TRPM3: variants seen among roughly 807,000 people sequenced by gnomAD.
TRPM3 encodes the protein transient receptor potential cation channel subfamily M member 3.
A neutral mutation model predicts 181.2 loss-of-function variants in TRPM3; 77 were observed. The ratio of observed to expected loss-of-function variants is 0.42; its 90% CI spans 0.35 to 0.51. The LOEUF (loss-of-function observed/expected upper bound fraction) is 0.51. Ranked by LOEUF, TRPM3 falls within the 20% of genes least tolerant of loss-of-function variation. TRPM3 has a pLI of 0.01. For missense variants in TRPM3, 1,759 were observed against 2,196.7 expected (o/e 0.80, Z 3.98); for synonymous variants, 745 against 796.4 (o/e 0.94, Z 1.09).
chr9:71,270,066 T>C lies in TRPM3; in HGVS notation c.183+176587A>G, dbSNP rs984758317. On this transcript the variant is annotated intron_variant, in intron 1 of 24. Transcript: ENST00000357533. ...CTCATAATTGTATTTTTGTTCAATA[T>C]GTAGTCATGCAGTTAATGTCACTCC... Among the ~76,000 whole-genome samples, 9 of 152,294 alleles carry C rather than the reference T, an allele frequency of 5.9e-5. No individual in the cohort carries two copies. The East Asian group carries it at 1.4e-3, about 23-fold the overall frequency.
intron 1 of TRPM3, among the ~76,000 whole-genome samples, chr9:70,971,451 A>G (rs2097245124): frequency 6.6e-5 from 10 of 151,958 alleles, no homozygotes; most frequent in Admixed American, 6.6e-4. Flanking sequence ...CGCTAGGAAC[A>G]CTCTCTACCC....
At chr9:71,271,588 G>A (rs1464241394) in intron 1 of TRPM3, among the ~76,000 whole-genome samples, 2 of 151,662 alleles carry the variant, frequency 1.3e-5, no homozygotes, top group African/African-American at 4.8e-5. Context: ...GAAGAGGGGA[G>A]TAAGGGGCTC....
At chr9:70,600,715 G>T (rs2059752136) in intron 20 of TRPM3, among the ~76,000 whole-genome samples, 1 of 152,200 alleles carries the variant, frequency 6.6e-6, no homozygotes, top group African/African-American at 2.4e-5. Context: ...TCTGCAGCTG[G>T]TGTTGTCCTG....
intron 6 of TRPM3, among the ~76,000 whole-genome samples, chr9:70,787,777 T>TTTTGC: frequency 6.7e-6 from 1 of 149,442 alleles, no homozygotes; most frequent in Non-Finnish European, 1.5e-5. Context: ...TTTTTTTTTT[T>TTTTGC]TTTTTTTTTG....
At chr9:70,805,174 G>A (rs1237749592) in intron 6 of TRPM3, among the ~76,000 whole-genome samples, 1 of 150,618 alleles carries the variant, frequency 6.6e-6, no homozygotes, top group Non-Finnish European at 1.5e-5. Context: ...TGAAAGAGAG[G>A]GAGAAGAGAG....
rs199741516 is a variant in TRPM3, at chr9:70,792,661, C to G, written c.974-8382G>C. Among the ~76,000 whole-genome samples, 294 of 147,166 alleles carry G rather than the reference C, an allele frequency of 2.0e-3. 1 individual carries two copies. Among genetic ancestry groups the G allele is most frequent in the Non-Finnish European group, 3.3e-3 (219 of 66,964 alleles). On this transcript the variant is annotated intron_variant, in intron 6 of 25. Transcript: ENST00000677713. ...AGAAAGAGGTGGAGAGACAGAAAGA[C>G]AGAGAGAGAGAGAGAGAGAGAGAGA... is the stretch of plus-strand genomic sequence containing the variant.
rs2094948669 is a variant in TRPM3, at chr9:70,846,272, G to A, written c.676+106C>T. ...ACCAGCAACTATGGACCCATGGGTA[G>A]GGATGAAGTGGGGTGATATAGAAAT... On this transcript the variant is annotated intron_variant, in intron 4 of 25. Coordinates refer to ENST00000677713, the MANE Select transcript of TRPM3 (RefSeq NM_001366145.2). 3 of 1,030,742 alleles carry A rather than the reference G, an allele frequency of 2.9e-6. No homozygotes were observed. The Admixed American group carries it at 5.3e-5, about 18-fold the overall frequency. 63.8% of individuals were successfully genotyped at this position (1,030,742 alleles called of 1,614,324 possible). A position where few individuals can be genotyped will look rare whatever the true frequency, so the allele number is the denominator to read the frequency against.
chr9:70,679,356 T>G (rs993650866), intron 9 of TRPM3, among the ~76,000 whole-genome samples: 1 of 152,224 alleles, frequency 6.6e-6, no homozygotes, highest in Admixed American at 6.5e-5. Context: ...TATTCTATAA[T>G]GCAATGAATA....
At position 71,346,457 on chromosome 9, in the gene TRPM3, C is replaced by T. The variant is rs551228689; in HGVS notation, c.183+100196G>A. On this transcript the variant is annotated intron_variant, in intron 1 of 24. Transcript: ENST00000357533. ...ATAATGCAAGTACAAAATTAGGCACCGGGCCTCATTAAATTGCATTAGCTT... is the reference window on the plus strand; with the variant it reads ...ATAATGCAAGTACAAAATTAGGCACTGGGCCTCATTAAATTGCATTAGCTT... Among the ~76,000 whole-genome samples the T allele has an allele frequency of 2.6e-4, 39 of 152,170 alleles. 1 individual carries two copies. Among genetic ancestry groups the T allele is most frequent in the African/African-American group, 7.9e-4 (33 of 41,516 alleles).
chr9:71,038,029 C>T (rs905845593), intron 1 of TRPM3, among the ~76,000 whole-genome samples: 1 of 152,188 alleles, frequency 6.6e-6, no homozygotes, highest in East Asian at 1.9e-4. Context: ...AAGCAGAGGT[C>T]TAAGTATTGA....
intron 1 of TRPM3, among the ~76,000 whole-genome samples, chr9:71,412,921 A>T (rs2093580128): frequency 6.6e-6 from 1 of 152,214 alleles, no homozygotes; most frequent in Non-Finnish European, 1.5e-5. Flanking sequence ...TGCAGCCATA[A>T]AAAAGGATGA....
At chr9:71,319,889 A>G (rs1392525936) in intron 1 of TRPM3, among the ~76,000 whole-genome samples, 1 of 152,140 alleles carries the variant, frequency 6.6e-6, no homozygotes, top group African/African-American at 2.4e-5. Context: ...CTGGTTCCTG[A>G]GATACCTACA....
In TRPM3 at chr9:70,908,501, C is replaced by T. The variant is rs562575112; in HGVS notation, c.178-43990G>A. On this transcript the variant is annotated intron_variant, in intron 1 of 25. Coordinates refer to ENST00000677713, the MANE Select transcript of TRPM3 (RefSeq NM_001366145.2). ...CCAAAATCCAGGAGGGAAGGGAGCC[C>T]ATATAGCTAAGGAAAACAATACTGA... 4.1e-4 allele frequency among the ~76,000 whole-genome samples: 62 copies of T among 152,250 alleles called. 1 individual carries two copies. The highest frequency in any genetic ancestry group is 1.4e-3 in the African/African-American group (57 of 41,562).
At chr9:70,633,292 C>T (rs2066235416) in intron 12 of TRPM3, among the ~76,000 whole-genome samples, 1 of 152,194 alleles carries the variant, frequency 6.6e-6, no homozygotes, top group South Asian at 2.1e-4. Context: ...AATGTGTCTA[C>T]TTCTACTCTT....
At chr9:71,168,556 ATTTAT>A (rs1296662582) in intron 1 of TRPM3, among the ~76,000 whole-genome samples, 1 of 57,082 alleles carries the variant, frequency 1.8e-5, no homozygotes, top group African/African-American at 7.3e-5. Context: ...TTATTTATTT[ATTTAT>A]TTATTTATTT....
intron 1 of TRPM3, among the ~76,000 whole-genome samples, chr9:70,867,542 T>G (rs2095676171): frequency 6.6e-6 from 1 of 152,076 alleles, no homozygotes; most frequent in Admixed American, 6.6e-5. Context: ...CGTTTCTATA[T>G]CTTATTATTA....
chr9:71,121,252 C>T lies in TRPM3; in HGVS notation c.103G>A (p.Ala35Thr). The T allele has an allele frequency of 1.2e-6, 2 of 1,614,134 alleles. No homozygotes were observed. The highest frequency in any genetic ancestry group is 1.3e-5 in the African/African-American group (1 of 75,032). ...ATGGTCCAGTTTAGGGGTCGAGGAG[C>T]ATCAGCCTGATTCATGACCCCTTCC... Reference protein sequence around the residue: ...NLEGVMNQADAPRPLNWTIRK... With the variant: ...NLEGVMNQADTPRPLNWTIRK... The change falls in exon 1 of 26, where the codon GCT becomes ACT. Residue 35 changes from alanine (A) to threonine (T), a missense_variant. Transcript: ENST00000677713.
At chr9:70,858,429 T>C (rs1211695066) in intron 3 of TRPM3, among the ~76,000 whole-genome samples, 1 of 152,106 alleles carries the variant, frequency 6.6e-6, no homozygotes, top group Non-Finnish European at 1.5e-5. Context: ...CACAAAACAA[T>C]TATCCTGCCA....
At chr9:71,247,417 G>A (rs1315336920) in intron 1 of TRPM3, among the ~76,000 whole-genome samples, 1 of 150,602 alleles carries the variant, frequency 6.6e-6, no homozygotes, top group Non-Finnish European at 1.5e-5. Flanking sequence ...AATAGGAATT[G>A]GCAAGTCATT....
Sources: gnomAD v4.1 joint callset for allele counts (sites outside exome capture counted in the v4.1 genomes callset) on GRCh38, gnomAD v4.1.1 for gene constraint, MANE v1.5 for transcripts, NCBI Gene and HGNC (gene_info 2026-07-23, HGNC 2026-07-21) for gene names.